Variants in HDAC8 observed in about 807,000 individuals in gnomAD.
HDAC8 encodes histone deacetylase-like 1.
HDAC8 carries 1 observed loss-of-function variant against 32.2 expected under a neutral mutation model. That is an observed-to-expected ratio of 0.03 (90% CI 0.01 to 0.15). The LOEUF is 0.15. Ranked by LOEUF, HDAC8 falls within the 10% of genes least tolerant of loss-of-function variation. The pLI, the probability that HDAC8 is intolerant of heterozygous loss-of-function variation, is 1.00. For missense variants in HDAC8, 117 were observed against 300.0 expected (o/e 0.39, Z 4.51); for synonymous variants, 108 against 113.9 (o/e 0.95, Z 0.33).
intron 9 of HDAC8, among the ~76,000 whole-genome samples, chrX:72,387,786 A>G (rs1189631914): frequency 8.9e-6 from 1 of 111,749 alleles, no homozygotes; most frequent in Admixed American, 9.5e-5. Context: ...TGTGGTAGGA[A>G]TTAGGGATGC....
chrX:72,464,495 C>T (rs782486541), intron 8 of HDAC8, 64 bp downstream of exon 8: 53 of 974,933 alleles, frequency 5.4e-5, no homozygotes, highest in Non-Finnish European at 7.5e-5. Flanking sequence ...TTTCCAAGTT[C>T]AGTGCCAATG....
chrX:72,550,663 T>C (rs1167741134), intron 4 of HDAC8, among the ~76,000 whole-genome samples: 1 of 111,436 alleles, frequency 9.0e-6, no homozygotes, highest in Non-Finnish European at 1.9e-5. Context: ...CAGTCCCTGG[T>C]TTGAAAAACA....
intron 9 of HDAC8, among the ~76,000 whole-genome samples, chrX:72,447,409 G>A (rs1369613616): frequency 3.6e-5 from 4 of 111,628 alleles, no homozygotes; most frequent in Non-Finnish European, 5.6e-5. Flanking sequence ...AAGAACTCTC[G>A]ATAAACTAGA....
At chrX:72,503,940 T>C (rs1198139702) in intron 4 of HDAC8, among the ~76,000 whole-genome samples, 2 of 112,219 alleles carry the variant, frequency 1.8e-5, no homozygotes, top group East Asian at 5.6e-4. Context: ...AAGCTTAGGA[T>C]ATTTTGTCGA....
chrX:72,378,386 G>T (rs1475480023), intron 9 of HDAC8, among the ~76,000 whole-genome samples: 5 of 111,370 alleles, frequency 4.5e-5, no homozygotes, highest in African/African-American at 1.6e-4. Context: ...TTGCCTCTTT[G>T]CATGTGCCTT....
intron 4 of HDAC8, among the ~76,000 whole-genome samples, chrX:72,561,352 C>CAGAAT (rs2051556296): frequency 8.9e-6 from 1 of 112,267 alleles, no homozygotes. Flanking sequence ...ACCAATGGAA[C>CAGAAT]AGAATAGAGA....
At chrX:72,464,431 T>C in intron 8 of HDAC8, 128 bp downstream of exon 8, 1 of 559,426 alleles carries the variant, frequency 1.8e-6, no homozygotes, top group East Asian at 3.4e-5. Context: ...TTTTATTGAC[T>C]CAGGCTTCTG....
intron 9 of HDAC8, among the ~76,000 whole-genome samples, chrX:72,361,738 G>C (rs1412758211): frequency 2.8e-5 from 3 of 107,480 alleles, no homozygotes; most frequent in African/African-American, 1.0e-4. Context: ...AAAAAAATAA[G>C]GTCTGGTGAC....
intron 4 of HDAC8, among the ~76,000 whole-genome samples, chrX:72,496,990 C>T (rs1007801691): frequency 2.7e-5 from 3 of 111,524 alleles, no homozygotes; most frequent in East Asian, 2.8e-4. Flanking sequence ...CGAGAAATGG[C>T]GAACTGCAAA....
intron 4 of HDAC8, among the ~76,000 whole-genome samples, chrX:72,512,785 A>G (rs2049634365): frequency 9.0e-6 from 1 of 110,629 alleles, no homozygotes; most frequent in African/African-American, 3.3e-5. Flanking sequence ...AACCCTGACA[A>G]TATCACTACC....
At chrX:72,521,598 T>A (rs1452054042) in intron 4 of HDAC8, among the ~76,000 whole-genome samples, 1 of 111,318 alleles carries the variant, frequency 9.0e-6, no homozygotes, top group Non-Finnish European at 1.9e-5. Flanking sequence ...GATGGGGTCA[T>A]GTCACAAACA....
At chrX:72,425,714 C>T (rs1379242307) in intron 9 of HDAC8, among the ~76,000 whole-genome samples, 1 of 111,734 alleles carries the variant, frequency 8.9e-6, no homozygotes, top group Non-Finnish European at 1.9e-5. Flanking sequence ...TTCCAAGAGT[C>T]TGATGTCTTT....
rs782104427 is a variant in HDAC8, at chrX:72,512,672, T to A, written c.438-17404A>T. ...GAGCACTTAAGGAGTTGGCCAAACG[T>A]TGCAGAGCGTTGCAGAGCCTCTGGC... On this transcript the variant is annotated intron_variant, in intron 4 of 10. Coordinates refer to ENST00000373573, the MANE Select transcript of HDAC8 (RefSeq NM_018486.3). Among the ~76,000 whole-genome samples the A allele has an allele frequency of 4.5e-5, 5 of 110,861 alleles. No individual in the cohort carries two copies. The East Asian group carries it at 1.4e-3, about 31-fold the overall frequency.
At chrX:72,356,906 G>T (rs993758083) in intron 9 of HDAC8, among the ~76,000 whole-genome samples, 1 of 110,859 alleles carries the variant, frequency 9.0e-6, no homozygotes, top group Non-Finnish European at 1.9e-5. Flanking sequence ...TTAAATGAGG[G>T]AATGAAGAGA....
chrX:72,470,254 C>T (rs782159891), intron 7 of HDAC8, among the ~76,000 whole-genome samples: 2 of 111,061 alleles, frequency 1.8e-5, no homozygotes, highest in South Asian at 7.8e-4. Context: ...TCCCTATTTC[C>T]ATCTCAACTT....
At chrX:72,385,211 C>G (rs983745323) in intron 9 of HDAC8, among the ~76,000 whole-genome samples, 22 of 111,727 alleles carry the variant, frequency 2.0e-4, no homozygotes, top group Non-Finnish European at 2.8e-4. Flanking sequence ...TGCCTGTAAT[C>G]CCAGCACTTT....
At chrX:72,433,903 C>T (rs7059153) in intron 9 of HDAC8, among the ~76,000 whole-genome samples, 10,427 of 111,845 alleles carry the variant, frequency 0.093, 1,174 homozygotes, top group African/African-American at 0.32. Context: ...AGGTAACTTA[C>T]ATAAGCCTCA....
intron 4 of HDAC8, among the ~76,000 whole-genome samples, chrX:72,514,766 C>T (rs1033296879): frequency 1.8e-5 from 2 of 111,537 alleles, no homozygotes; most frequent in Non-Finnish European, 3.8e-5. Context: ...ATTGTTTCGG[C>T]CTCCGAAAGT....
intron 9 of HDAC8, among the ~76,000 whole-genome samples, chrX:72,456,573 C>A (rs918726657): frequency 9.0e-6 from 1 of 111,309 alleles, no homozygotes; most frequent in East Asian, 2.8e-4. Context: ...CCAAGGCAGG[C>A]GAATTACTTG....
Sources: gnomAD v4.1 joint callset for allele counts (sites outside exome capture counted in the v4.1 genomes callset) on GRCh38, gnomAD v4.1.1 for gene constraint, MANE v1.5 for transcripts, NCBI Gene and HGNC (gene_info 2026-07-23, HGNC 2026-07-21) for gene names.